Variants in EIF1AY observed in about 807,000 individuals in gnomAD.
EIF1AY encodes the protein eukaryotic translation initiation factor 1A Y-linked.
For synonymous variants in EIF1AY, 16 were observed against 9.9 expected (o/e 1.62, Z -1.16); for missense variants, 19 against 30.6 (o/e 0.62, Z 0.89).
intron 6 of EIF1AY, 38 bp downstream of exon 6, chrY:20,589,613 A>G: frequency 2.8e-6 from 1 of 362,358 alleles, no homozygotes; most frequent in East Asian, 9.6e-5. Context: ...TGTTTTATCT[A>G]TGCATTATCT....
intron 2 of EIF1AY, among the ~76,000 whole-genome samples, chrY:20,580,023 T>C (rs2089349504): frequency 3.6e-5 from 1 of 27,469 alleles, no homozygotes; most frequent in Admixed American, 3.6e-4. Flanking sequence ...TGCTTGAAGC[T>C]ACGAGTTTGA....
At chrY:20,579,020 T>G in intron 1 of EIF1AY, among the ~76,000 whole-genome samples, 2 of 34,089 alleles carry the variant, frequency 5.9e-5, no homozygotes, top group Non-Finnish European at 1.5e-4. Flanking sequence ...TTTCTATTCA[T>G]TTATCTTGTG....
rs775359907 is a variant in EIF1AY at position 20,589,469 on chromosome Y, T to C, written c.338-15T>C. On this transcript the variant is annotated splice_polypyrimidine_tract_variant and intron_variant, in intron 5 of 6. Transcript: ENST00000361365. ...ACAGGTTATATAATCAGTATGTCTG[T>C]TATTTTACCTTTAGCTAAAATCAAT... is the stretch of plus-strand genomic sequence containing the variant. 4.9e-5 allele frequency: 19 copies of C among 391,216 alleles called. No individual in the cohort carries two copies. Among genetic ancestry groups the C allele is most frequent in the South Asian group, 9.0e-5 (3 of 33,439 alleles).
intron 6 of EIF1AY, 58 bp from the exon 7 acceptor site, chrY:20,592,283 G>T: frequency 3.6e-6 from 1 of 281,069 alleles, no homozygotes. Flanking sequence ...TTTATATGCA[G>T]TAGAATGTTG....
chrY:20,592,281 C>T, intron 6 of EIF1AY, 60 bp from the exon 7 acceptor site: 2 of 265,527 alleles, frequency 7.5e-6, no homozygotes, highest in East Asian at 1.1e-4. Context: ...TCTTTATATG[C>T]AGTAGAATGT....
At chrY:20,590,111 AGTGTGT>A (rs1401863145) in intron 6 of EIF1AY, among the ~76,000 whole-genome samples, 1 of 26,825 alleles carries the variant, frequency 3.7e-5, no homozygotes, top group Non-Finnish European at 8.9e-5. Flanking sequence ...AGAGAGAGAG[AGTGTGT>A]GTGTGTGTGT....
chrY:20,578,273 A>G (rs926360617), intron 1 of EIF1AY, among the ~76,000 whole-genome samples: 3 of 32,984 alleles, frequency 9.1e-5, no homozygotes, highest in Admixed American at 8.3e-4. Context: ...AATCTTAGAA[A>G]CCCATCCTCA....
chrY:20,588,182 G>C, intron 5 of EIF1AY, 77 bp downstream of exon 5: 1 of 199,763 alleles, frequency 5.0e-6, no homozygotes, highest in Non-Finnish European at 8.1e-6. Flanking sequence ...TATTTCCGTA[G>C]AACTCTTGTT....
At chrY:20,584,181 G>A in intron 3 of EIF1AY, among the ~76,000 whole-genome samples, 3 of 31,294 alleles carry the variant, frequency 9.6e-5, no homozygotes, top group Admixed American at 6.0e-4. Flanking sequence ...GCCTCCTAAA[G>A]TAGTTGGCAG....
rs1158365540 is a variant in EIF1AY at position 20,589,542 on chromosome Y, C to T, written c.396C>T (p.Asp132=). 8.1e-6 allele frequency: 3 copies of T among 370,791 alleles called. No homozygotes were observed. The highest frequency in any genetic ancestry group is 3.0e-5 in the South Asian group (1 of 33,064). 92.5% of individuals were successfully genotyped at this position (370,791 alleles called of 400,897 possible). The change falls in exon 6 of 7, where the codon GAC becomes GAT. Residue 132 remains aspartate, a synonymous_variant. Coordinates refer to ENST00000361365, the MANE Select transcript of EIF1AY (RefSeq NM_004681.4). ...GAGATGATGATGAAATCCAGTTTGACGATATTGGAGATGATGATGAAGACA... is the reference window on the plus strand; with the variant it reads ...GAGATGATGATGAAATCCAGTTTGATGATATTGGAGATGATGATGAAGACA... The part of the protein sequence containing the change: ...GPGDDDEIQF[D]DIGDDDEDID...
intron 2 of EIF1AY, among the ~76,000 whole-genome samples, chrY:20,580,089 T>G: frequency 6.8e-5 from 2 of 29,562 alleles, no homozygotes; most frequent in African/African-American, 2.7e-4. Context: ...AAAAAAAAAT[T>G]AATGGGGCAT....
At chrY:20,582,219 A>G in intron 2 of EIF1AY, among the ~76,000 whole-genome samples, 1 of 32,160 alleles carries the variant, frequency 3.1e-5, no homozygotes, top group Non-Finnish European at 7.6e-5. Flanking sequence ...TGTTGTTGTT[A>G]TTGTTGTTGT....
At chrY:20,579,431 T>C (rs2089348854) in intron 1 of EIF1AY, among the ~76,000 whole-genome samples, 177 bp from the exon 2 acceptor site, 1 of 33,122 alleles carries the variant, frequency 3.0e-5, no homozygotes, top group Non-Finnish European at 7.4e-5. Context: ...AATATTAATG[T>C]TGTAATGTAA....
chrY:20,585,497 C>G (rs2089354004), intron 4 of EIF1AY, among the ~76,000 whole-genome samples: 1 of 33,658 alleles, frequency 3.0e-5, no homozygotes, highest in Non-Finnish European at 7.4e-5. Context: ...TTTTTATTCT[C>G]TTGATATTAG....
intron 6 of EIF1AY, among the ~76,000 whole-genome samples, chrY:20,591,911 G>A (rs981448160): frequency 5.9e-5 from 2 of 33,681 alleles, no homozygotes; most frequent in African/African-American, 1.2e-4. Flanking sequence ...GGCTATTAAA[G>A]GAAGTTTAGT....
At chrY:20,577,204 T>A in intron 1 of EIF1AY, among the ~76,000 whole-genome samples, 1 of 33,598 alleles carries the variant, frequency 3.0e-5, no homozygotes, top group Non-Finnish European at 7.4e-5. Flanking sequence ...GACTCTATCC[T>A]TAAATAGTAA....
intron 4 of EIF1AY, among the ~76,000 whole-genome samples, chrY:20,585,968 G>A (rs2089354315): frequency 6.4e-5 from 2 of 31,367 alleles, no homozygotes; most frequent in African/African-American, 2.5e-4. Context: ...TTGAATAGTT[G>A]GTTAGTTTAG....
At chrY:20,578,479 G>GT (rs2089348281) in intron 1 of EIF1AY, among the ~76,000 whole-genome samples, 1 of 33,778 alleles carries the variant, frequency 3.0e-5, no homozygotes, top group African/African-American at 1.2e-4. Context: ...ACGCAGCTAA[G>GT]TTCAGGCACG....
At chrY:20,586,161 A>G (rs2124357388) in intron 4 of EIF1AY, among the ~76,000 whole-genome samples, 1 of 33,179 alleles carries the variant, frequency 3.0e-5, no homozygotes, top group Non-Finnish European at 7.4e-5. Context: ...GGGTAATATT[A>G]GGGCTTTCCT....
Sources: gnomAD v4.1 joint callset for allele counts (sites outside exome capture counted in the v4.1 genomes callset) on GRCh38, gnomAD v4.1.1 for gene constraint, MANE v1.5 for transcripts, NCBI Gene and HGNC (gene_info 2026-07-23, HGNC 2026-07-21) for gene names.